Variants in DYNC1H1 observed in about 807,000 individuals in gnomAD.
The protein encoded by DYNC1H1 is cytoplasmic dynein 1 heavy chain 1.
DYNC1H1 carries 51 observed loss-of-function variants against 527.1 expected under a neutral mutation model. The observed-to-expected ratio is 0.10, with a 90% confidence interval of 0.08 to 0.12. The LOEUF (loss-of-function observed/expected upper bound fraction) is 0.12. Ranked by LOEUF, DYNC1H1 falls within the 10% of genes least tolerant of loss-of-function variation. The pLI is 1.00. For missense variants in DYNC1H1, 2,771 were observed against 5,971.8 expected (o/e 0.46, Z 17.66); for synonymous variants, 2,189 against 2,278.8 (o/e 0.96, Z 1.12).
Position 101,997,404 on chromosome 14 carries a change from GT to G in DYNC1H1, c.3804+132del. The G allele has an allele frequency of 6.7e-7, 1 of 1,492,858 alleles. No individual in the cohort carries two copies. The highest frequency in any genetic ancestry group is 2.0e-5 in the Admixed American group (1 of 49,646). The allele number at this position is 1,492,858 out of a possible 1,614,324, so 92.5% of individuals were successfully genotyped here. ...ATTGAAGACTCTTTTCCTTTTTGTA[GT>G]TAAAAAAGCAGATGGAGATAGCAAA... is the stretch of plus-strand genomic sequence containing the variant. On this transcript the variant is annotated intron_variant, in intron 16 of 77. Transcript: ENST00000360184. The surrounding 1 kb of genome is among the most constrained non-coding windows in gnomAD (Gnocchi z 4.8).
intron 44 of DYNC1H1, 194 bp from the exon 45 acceptor site, chr14:102,026,980 G>T: frequency 1.2e-6 from 1 of 807,672 alleles, no homozygotes; most frequent in Non-Finnish European, 2.1e-6. Flanking sequence ...TCTCATGTCA[G>T]TCTAGAGGAC....
At chr14:101,970,482 T>TG (rs1267707072) in intron 1 of DYNC1H1, among the ~76,000 whole-genome samples, 2 of 122,394 alleles carry the variant, frequency 1.6e-5, no homozygotes, top group Non-Finnish European at 3.4e-5. Context: ...TGTTTTTTTT[T>TG]TTTTTTTTTT....
intron 1 of DYNC1H1, among the ~76,000 whole-genome samples, chr14:101,970,112 CT>C (rs2047714528): frequency 6.6e-6 from 1 of 152,116 alleles, no homozygotes; most frequent in Non-Finnish European, 1.5e-5. Context: ...TTTAAAAATT[CT>C]TTCTCTTTTC....
At position 101,986,359 on chromosome 14, in the gene DYNC1H1, G is replaced by A. The variant is rs748062639; in HGVS notation, c.2134G>A (p.Gly712Ser). 8 of 1,613,974 alleles carry A rather than the reference G, an allele frequency of 5.0e-6. No individual in the cohort carries two copies. Among genetic ancestry groups the A allele is most frequent in the South Asian group, 1.1e-5 (1 of 91,062 alleles). Residue 712 changes from glycine to serine, a missense_variant, in exon 8 of 78, where the codon GGT becomes AGT. Physicochemically the swap from Gly to Ser is moderately conservative, Grantham distance 56. This residue lies in a region of DYNC1H1 where 264 missense variants were observed against 619.4 expected (regional missense o/e 0.43). Coordinates refer to ENST00000360184, the MANE Select transcript of DYNC1H1 (RefSeq NM_001376.5). This position sits in a 1 kb window ranked among gnomAD's most constrained non-coding sequence, Gnocchi z 8.7. ...AAGGAAGGTGCAGCAGCGCAACCTCGGTGTCTCGGGGCGCATTTTCACCAT... is the reference window on the plus strand; with the variant it reads ...AAGGAAGGTGCAGCAGCGCAACCTCAGTGTCTCGGGGCGCATTTTCACCAT... The part of the protein sequence containing the change: ...WARKVQQRNL[G>S]VSGRIFTIES...
rs371960630 is a variant in DYNC1H1 at position 102,049,421 on chromosome 14, C to G, written c.13373-19C>G. 44 of 1,613,656 alleles carry G rather than the reference C, an allele frequency of 2.7e-5. No homozygotes were observed. In the African/African-American group the frequency reaches 2.8e-4, roughly 10 times the overall value. The stretch of plus-strand genomic sequence containing the variant: ...GTTGTGAGAGCTGACACCCTGGGCT[C>G]TGTGTGCCTTGGCTGCAGGGATCTT... On this transcript the variant is annotated intron_variant, in intron 74 of 77. Transcript: ENST00000360184. The surrounding 1 kb of genome is among the most constrained non-coding windows in gnomAD (Gnocchi z 5.5).
chr14:102,027,586 G>C lies in DYNC1H1; in HGVS notation c.9049-33G>C. On this transcript the variant is annotated intron_variant, in intron 46 of 77. Transcript: ENST00000360184. The surrounding 1 kb of genome is among the most constrained non-coding windows in gnomAD (Gnocchi z 7.7). ...TTGCGTTGCATTACGTGTTACCGGG[G>C]GACCAGTAAGTCAGCACTGTGCTGT... 1.2e-6 allele frequency: 2 copies of C among 1,614,182 alleles called. No homozygotes were observed. The highest frequency in any genetic ancestry group is 2.2e-5 in the East Asian group (1 of 44,886).
chr14:101,998,856 A>G (rs1424035609), intron 16 of DYNC1H1, among the ~76,000 whole-genome samples: 1 of 148,016 alleles, frequency 6.8e-6, no homozygotes, highest in East Asian at 2.0e-4. Context: ...GGTGCCAGTA[A>G]TGTGTTAGAG....
rs764826411 is a variant in DYNC1H1, at chr14:101,983,193, G to T, written c.1136G>T (p.Arg379Leu). 2 of 1,614,192 alleles carry T rather than the reference G, an allele frequency of 1.2e-6. No individual in the cohort carries two copies. The highest frequency in any genetic ancestry group is 8.5e-7 in the Non-Finnish European group (1 of 1,180,046). The part of the protein sequence containing the change: ...NTKYPIQRAL[R>L]LVEAISRDLS... ...AAATATCCTATTCAGAGGGCACTGC[G>T]TTTGGTGGAGGCAATTTCAAGAGAC... is the stretch of plus-strand genomic sequence containing the variant. Residue 379 changes from arginine to leucine, a missense_variant, in exon 6 of 78, where the codon CGT (arginine) becomes CTT (leucine). This residue lies in a region of DYNC1H1 where 264 missense variants were observed against 619.4 expected (regional missense o/e 0.43). Transcript: ENST00000360184. The surrounding 1 kb of genome is among the most constrained non-coding windows in gnomAD (Gnocchi z 5.3).
chr14:102,031,248 G>T (rs1284712156), intron 51 of DYNC1H1, among the ~76,000 whole-genome samples: 1 of 152,024 alleles, frequency 6.6e-6, no homozygotes, highest in Non-Finnish European at 1.5e-5. Flanking sequence ...GTTTTGCTTT[G>T]TTTGAGACAG....
At chr14:102,034,867 G>A (rs532022327) in intron 56 of DYNC1H1, 18 of 307,362 alleles carry the variant, frequency 5.9e-5, no homozygotes, top group African/African-American at 2.7e-4. Flanking sequence ...CAGAGGTTGC[G>A]GTGAGCCGAG....
rs1387283236 is a variant in DYNC1H1, at chr14:102,051,643, T to TGATG, written c.*1082_*1085dup. 1.3e-5 allele frequency: 2 copies of TGATG among 152,152 alleles called. No individual in the cohort carries two copies. Among genetic ancestry groups the TGATG allele is most frequent in the African/African-American group, 4.8e-5 (2 of 41,394 alleles). The allele number at this position is 152,152 out of a possible 1,614,324, so 9.4% of individuals were successfully genotyped here. On this transcript the variant is annotated 3_prime_UTR_variant, in exon 78 of 78. Coordinates refer to ENST00000360184, the MANE Select transcript of DYNC1H1 (RefSeq NM_001376.5). ...CATCTCACGTTCACATTGCTAGAGG[T>TGATG]GATGGGTGTGCTACACCCGTGGAAA...
Position 102,011,035 on chromosome 14 carries a change from G to C in DYNC1H1, c.6618+83G>C. The C allele has an allele frequency of 7.0e-7, 1 of 1,427,314 alleles. No individual in the cohort carries two copies. 88.4% of individuals were successfully genotyped at this position (1,427,314 alleles called of 1,614,324 possible). ...TGGTAATGACAACCGTGGGCCCTTC[G>C]ATGAAACTGTCCACAAAGGCTGTGG... is the stretch of plus-strand genomic sequence containing the variant. On this transcript the variant is annotated intron_variant, in intron 32 of 77. Transcript: ENST00000360184. The surrounding 1 kb of genome is among the most constrained non-coding windows in gnomAD (Gnocchi z 5.3).
rs531754792 is a variant in DYNC1H1 at position 101,992,593 on chromosome 14, C to A, written c.3015+920C>A. Among the ~76,000 whole-genome samples the A allele has an allele frequency of 1.6e-4, 24 of 152,298 alleles. 1 individual carries two copies. The highest frequency in any genetic ancestry group is 3.4e-3 in the Middle Eastern group (1 of 294). On this transcript the variant is annotated intron_variant, in intron 11 of 77. Transcript: ENST00000360184. ...CTCTCGTTTAGCTGTTCTGCCCTCT[C>A]TTCTGGGTCTTCTTTCAGCACCTAA...
intron 7 of DYNC1H1, among the ~76,000 whole-genome samples, chr14:101,984,113 G>A (rs1010884758): frequency 4.6e-5 from 7 of 152,018 alleles, no homozygotes; most frequent in African/African-American, 4.8e-5. Flanking sequence ...GACTATAGGC[G>A]CACCCCACCA....
At position 102,004,786 on chromosome 14, in the gene DYNC1H1, A is replaced by G. The variant is rs775895683; in HGVS notation, c.5074A>G (p.Ile1692Val). 2.5e-6 allele frequency: 4 copies of G among 1,614,208 alleles called. No homozygotes were observed. Among genetic ancestry groups the G allele is most frequent in the East Asian group, 4.5e-5 (2 of 44,886 alleles). Residue 1692 changes from isoleucine to valine, a missense_variant, in exon 25 of 78, where the codon ATT becomes GTT. By Grantham distance (29) the Ile-to-Val change is conservative (BLOSUM62 3). Transcript: ENST00000360184. ...GGTTATGTTTAAAACTCCTGTGTCA[A>G]TTACTGAACATCCCAAAATCAATGA... Reference protein sequence around the residue: ...EEVMFKTPVSITEHPKINEWL... With the variant: ...EEVMFKTPVSVTEHPKINEWL...
chr14:102,003,972 T>A (rs1458401308), intron 23 of DYNC1H1, among the ~76,000 whole-genome samples: 1 of 150,138 alleles, frequency 6.7e-6, no homozygotes, highest in Non-Finnish European at 1.5e-5. Context: ...CCCGGCGCGG[T>A]GGCTCACGCC....
rs755198260 is a variant in DYNC1H1 at position 102,011,767 on chromosome 14, A to T, written c.6619-108A>T. ...ACTCCGTTTCAGGAAAAAAAAAAAA[A>T]TCCACACATAATGTTTCTTGCTCAC... On this transcript the variant is annotated intron_variant, in intron 32 of 77. Transcript: ENST00000360184. This position sits in a 1 kb window ranked among gnomAD's most constrained non-coding sequence, Gnocchi z 5.3. The T allele has an allele frequency of 7.3e-6, 9 of 1,234,640 alleles. No homozygotes were observed. Among genetic ancestry groups the T allele is most frequent in the Non-Finnish European group, 1.0e-5 (9 of 859,278 alleles). The allele number at this position is 1,234,640 out of a possible 1,614,324, so 76.5% of individuals were successfully genotyped here. A position where few individuals can be genotyped will look rare whatever the true frequency, so the allele number is the denominator to read the frequency against.
chr14:102,030,438 G>A (rs2048497835), intron 51 of DYNC1H1, 156 bp downstream of exon 51: 3 of 1,101,490 alleles, frequency 2.7e-6, no homozygotes, highest in African/African-American at 3.1e-5. Context: ...TTTTCTGAAT[G>A]CTTGAGATTG....
In DYNC1H1 at chr14:101,985,539, TG is replaced by T. The variant is rs1409972733; in HGVS notation, c.1462-146del. ...CTGGGTTTCACCATGTTGGCCAGGCTGGTCTCGAACTCCTGACCTCATGATC... is the reference window on the plus strand; with the variant it reads ...CTGGGTTTCACCATGTTGGCCAGGCTGTCTCGAACTCCTGACCTCATGATC... On this transcript the variant is annotated intron_variant, in intron 7 of 77. Transcript: ENST00000360184. The surrounding 1 kb of genome is among the most constrained non-coding windows in gnomAD (Gnocchi z 5.9). The T allele has an allele frequency of 1.4e-6, 1 of 734,198 alleles. No homozygotes were observed. The highest frequency in any genetic ancestry group is 2.3e-6 in the Non-Finnish European group (1 of 435,598). The allele number at this position is 734,198 out of a possible 1,614,324, so 45.5% of individuals were successfully genotyped here.
Sources: gnomAD v4.1 joint callset for allele counts (sites outside exome capture counted in the v4.1 genomes callset) on GRCh38, gnomAD v4.1.1 for gene constraint, gnomAD v4.1.1 regional missense constraint, Gnocchi (gnomAD v3.1) non-coding constraint, MANE v1.5 for transcripts, NCBI Gene and HGNC (gene_info 2026-07-23, HGNC 2026-07-21) for gene names.